ST6GALNAC3: variants seen among roughly 807,000 people sequenced by gnomAD.
ST6GALNAC3 encodes the protein alpha-N-acetylgalactosaminide alpha-2,6-sialyltransferase 3.
ST6GALNAC3 carries 25 observed loss-of-function variants against 32.7 expected under a neutral mutation model. The ratio of observed to expected loss-of-function variants is 0.76; its 90% CI spans 0.56 to 1.07. The LOEUF is 1.07. Ranked by LOEUF, ST6GALNAC3 falls within the 50% of genes least tolerant of loss-of-function variation. The pLI is 0.00. For synonymous variants in ST6GALNAC3, 129 were observed against 133.1 expected (o/e 0.97, Z 0.21); for missense variants, 355 against 382.4 (o/e 0.93, Z 0.60).
Position 76,350,656 on chromosome 1 carries a change from G to A in ST6GALNAC3, c.213+36657G>A, listed in dbSNP as rs1648900044. The stretch of plus-strand genomic sequence containing the variant: ...AAGTTGAAAATAAACACATTTTCTG[G>A]CTTCATAGATAAGCCTTGTGTTATA... On this transcript the variant is annotated intron_variant, in intron 2 of 4. Transcript: ENST00000328299. Among the ~76,000 whole-genome samples, 4 of 152,034 alleles carry A rather than the reference G, an allele frequency of 2.6e-5. No individual in the cohort carries two copies. In the South Asian group the frequency reaches 8.3e-4, roughly 32 times the overall value.
intron 1 of ST6GALNAC3, among the ~76,000 whole-genome samples, chr1:76,203,300 G>C (rs1654635598): frequency 6.6e-6 from 1 of 152,158 alleles, no homozygotes; most frequent in Admixed American, 6.5e-5. Context: ...TCCTCACCGG[G>C]TGATTCCAAG....
intron 3 of ST6GALNAC3, among the ~76,000 whole-genome samples, chr1:76,461,074 A>G (rs1220551086): frequency 6.6e-6 from 1 of 152,194 alleles, no homozygotes; most frequent in African/African-American, 2.4e-5. Flanking sequence ...AAAAAGATCC[A>G]ACTTAGAAAA....
At chr1:76,379,854 G>T (rs1453239855) in intron 2 of ST6GALNAC3, among the ~76,000 whole-genome samples, 5 of 152,116 alleles carry the variant, frequency 3.3e-5, no homozygotes, top group Non-Finnish European at 7.4e-5. Flanking sequence ...GAGCACACAA[G>T]AAATTTCTGA....
intron 3 of ST6GALNAC3, among the ~76,000 whole-genome samples, chr1:76,471,762 G>A (rs931187376): frequency 2.0e-5 from 3 of 151,958 alleles, no homozygotes; most frequent in Non-Finnish European, 2.9e-5. Context: ...ACATTCTTCA[G>A]TCTTTAGGCA....
At chr1:76,210,900 C>A (rs1655116177) in intron 1 of ST6GALNAC3, among the ~76,000 whole-genome samples, 1 of 152,188 alleles carries the variant, frequency 6.6e-6, no homozygotes, top group South Asian at 2.1e-4. Flanking sequence ...GCACCTGTCA[C>A]CACACCTGGC....
At chr1:76,129,369 T>G (rs1271775229) in intron 1 of ST6GALNAC3, among the ~76,000 whole-genome samples, 1 of 152,134 alleles carries the variant, frequency 6.6e-6, no homozygotes, top group Non-Finnish European at 1.5e-5. Flanking sequence ...TTGGGATGCC[T>G]CAGTCACAGC....
At chr1:76,387,932 A>G (rs1652223851) in intron 2 of ST6GALNAC3, among the ~76,000 whole-genome samples, 1 of 152,158 alleles carries the variant, frequency 6.6e-6, no homozygotes, top group South Asian at 2.1e-4. Flanking sequence ...ACAAAGTAGT[A>G]AACTAGCCTG....
In ST6GALNAC3 at chr1:76,409,823, T is replaced by A. The variant is rs141573516; in HGVS notation, c.214-2185T>A. Among the ~76,000 whole-genome samples, 994 of 152,304 alleles carry A rather than the reference T, an allele frequency of 6.5e-3. 11 individuals carry two copies. Among genetic ancestry groups the A allele is most frequent in the African/African-American group, 0.023 (937 of 41,576 alleles). ...AGTGATGAGAATATGGAGAATTTTT[T>A]AAATCATTTTGTCCATTCTTTTTAG... On this transcript the variant is annotated intron_variant, in intron 2 of 4. Coordinates refer to ENST00000328299, the MANE Select transcript of ST6GALNAC3 (RefSeq NM_152996.4).
At chr1:76,355,106 A>T (rs571034991) in intron 2 of ST6GALNAC3, among the ~76,000 whole-genome samples, 1 of 152,214 alleles carries the variant, frequency 6.6e-6, no homozygotes, top group Non-Finnish European at 1.5e-5. Flanking sequence ...ACTGAAAATG[A>T]TTTGGGATGA....
chr1:76,473,897 T>C (rs1444686276), intron 3 of ST6GALNAC3, among the ~76,000 whole-genome samples: 3 of 151,970 alleles, frequency 2.0e-5, no homozygotes, highest in Admixed American at 6.6e-5. Flanking sequence ...AACCTTAAGA[T>C]ACATTGCACT....
rs1168482830 is a variant in ST6GALNAC3, at chr1:76,431,168, C to T, written c.623+18751C>T. ...TAACTTTCCTTAGGGCTGCTAAGAGCAAGTTCTGGATCACCTGTAGCTGCT... is the reference window on the plus strand; with the variant it reads ...TAACTTTCCTTAGGGCTGCTAAGAGTAAGTTCTGGATCACCTGTAGCTGCT... On this transcript the variant is annotated intron_variant, in intron 3 of 4. Transcript: ENST00000328299. Among the ~76,000 whole-genome samples the T allele has an allele frequency of 3.3e-5, 5 of 152,186 alleles. No homozygotes were observed. The East Asian group carries it at 7.7e-4, about 24-fold the overall frequency.
At chr1:76,516,795 A>G (rs2101774843) in intron 3 of ST6GALNAC3, among the ~76,000 whole-genome samples, 1 of 152,074 alleles carries the variant, frequency 6.6e-6, no homozygotes, top group Admixed American at 6.5e-5. Context: ...CTTTGTTCAG[A>G]TTTCTATTAG....
At chr1:76,451,181 TA>T (rs768149610) in intron 3 of ST6GALNAC3, among the ~76,000 whole-genome samples, 65 of 152,040 alleles carry the variant, frequency 4.3e-4, no homozygotes, top group Non-Finnish European at 6.0e-4. Context: ...CCATCTGTAT[TA>T]GTCCATTCTC....
intron 3 of ST6GALNAC3, among the ~76,000 whole-genome samples, chr1:76,494,092 A>G (rs1315950501): frequency 6.6e-6 from 1 of 151,880 alleles, no homozygotes; most frequent in Non-Finnish European, 1.5e-5. Context: ...TACAACCTTT[A>G]CCCAATCTCG....
chr1:76,094,255 C>T (rs1317019517), intron 1 of ST6GALNAC3, among the ~76,000 whole-genome samples: 3 of 152,074 alleles, frequency 2.0e-5, no homozygotes, highest in African/African-American at 7.2e-5. Flanking sequence ...AGGGAGATCA[C>T]GGTCAAGATG....
chr1:76,509,426 A>T lies in ST6GALNAC3; in HGVS notation c.623+97009A>T, dbSNP rs538974766. On this transcript the variant is annotated intron_variant, in intron 3 of 4. Coordinates refer to ENST00000328299, the MANE Select transcript of ST6GALNAC3 (RefSeq NM_152996.4). The surrounding 1 kb of genome is among the most constrained non-coding windows in gnomAD (Gnocchi z 5.5). ...ACAGGATTTTCTTGGTCAGAATCAT[A>T]AAAAGATAGAGAAGCCATGCTAATT... Among the ~76,000 whole-genome samples the T allele has an allele frequency of 6.6e-6, 1 of 152,218 alleles. No homozygotes were observed. The highest frequency in any genetic ancestry group is 2.4e-5 in the African/African-American group (1 of 41,458).
intron 3 of ST6GALNAC3, among the ~76,000 whole-genome samples, chr1:76,534,805 G>C (rs762619270): frequency 6.6e-6 from 1 of 152,098 alleles, no homozygotes; most frequent in East Asian, 1.9e-4. Flanking sequence ...CAGGTAATAG[G>C]CTTGAAGAAA....
chr1:76,432,626 T>A (rs1235056284), intron 3 of ST6GALNAC3, among the ~76,000 whole-genome samples: 1 of 151,804 alleles, frequency 6.6e-6, no homozygotes, highest in African/African-American at 2.4e-5. Flanking sequence ...GGCTAATTTT[T>A]AAATTTTTTT....
At chr1:76,164,821 A>C (rs1273511822) in intron 1 of ST6GALNAC3, among the ~76,000 whole-genome samples, 1 of 152,198 alleles carries the variant, frequency 6.6e-6, no homozygotes, top group Non-Finnish European at 1.5e-5. Flanking sequence ...TTGTAGAGCC[A>C]GAATGAAAAA....
Sources: gnomAD v4.1 joint callset for allele counts (sites outside exome capture counted in the v4.1 genomes callset) on GRCh38, gnomAD v4.1.1 for gene constraint, Gnocchi (gnomAD v3.1) non-coding constraint, MANE v1.5 for transcripts, NCBI Gene and HGNC (gene_info 2026-07-23, HGNC 2026-07-21) for gene names.